The following RAD51C variants were observed in gnomAD, a reference collection of about 807,000 sequenced individuals.
RAD51C encodes the protein RAD51 paralog C.
Under a neutral mutation model 45.0 loss-of-function variants are expected in RAD51C, and 42 were observed. The observed-to-expected ratio is 0.93, with a 90% CI of 0.73 to 1.21. The LOEUF (loss-of-function observed/expected upper bound fraction) is 1.21, where lower values mean the gene tolerates loss of function less well. Ranked by LOEUF, RAD51C falls within the 50% of genes most tolerant of loss-of-function variation. The pLI, the probability that RAD51C is intolerant of heterozygous loss-of-function variation, is 0.00. For synonymous variants in RAD51C, 172 were observed against 159.8 expected (o/e 1.08, Z -0.58); for missense variants, 474 against 452.2 (o/e 1.05, Z -0.44).
chr17:58,726,403 G>GTATA (rs200957536), intron 7 of RAD51C, among the ~76,000 whole-genome samples: 1 of 143,196 alleles, frequency 7.0e-6, no homozygotes, highest in African/African-American at 2.7e-5. Context: ...GTATATATGT[G>GTATA]TATATATATA....
In RAD51C at chr17:58,709,004, A is replaced by C. The variant is rs2048463386; in HGVS notation, c.706-855A>C. On this transcript the variant is annotated intron_variant, in intron 4 of 8. Coordinates refer to ENST00000337432, the MANE Select transcript of RAD51C (RefSeq NM_058216.3). ...TAAGCCTTTTCAGAATGTTTTACAA[A>C]GACTTTAAATGTGCTTTTTATCAGT... is the stretch of plus-strand genomic sequence containing the variant. Among the ~76,000 whole-genome samples, 5 of 152,092 alleles carry C rather than the reference A, an allele frequency of 3.3e-5. No individual in the cohort carries two copies. The South Asian group carries it at 1.0e-3, about 31-fold the overall frequency.
chr17:58,732,889 T>C (rs946923078), intron 8 of RAD51C: 4 of 274,970 alleles, frequency 1.5e-5, no homozygotes, highest in African/African-American at 4.4e-5. Flanking sequence ...GTAGGTATTA[T>C]AGATCTATTG....
chr17:58,728,432 C>G (rs2049261497), intron 7 of RAD51C, among the ~76,000 whole-genome samples: 1 of 141,006 alleles, frequency 7.1e-6, no homozygotes, highest in Admixed American at 7.3e-5. Context: ...GGATCTCACT[C>G]TGTTGCCCAG....
chr17:58,714,426 T>C (rs2048661228), intron 5 of RAD51C, among the ~76,000 whole-genome samples: 1 of 152,206 alleles, frequency 6.6e-6, no homozygotes, highest in African/African-American at 2.4e-5. Flanking sequence ...TGTTTTCCCA[T>C]ATCTTTACCA....
intron 7 of RAD51C, among the ~76,000 whole-genome samples, chr17:58,730,167 T>C (rs2049357160): frequency 1.4e-5 from 2 of 147,716 alleles, no homozygotes. Context: ...AGCTGTTCTT[T>C]TTTTTTTTTT....
At position 58,724,070 on chromosome 17, in the gene RAD51C, G is replaced by A. The variant is rs779834376; in HGVS notation, c.935G>A (p.Arg312Gln). The change falls in exon 7 of 9, where the codon CGG (arginine) becomes CAG (glutamine). Residue 312 changes from arginine (R) to glutamine (Q), a missense_variant. Physicochemically the swap from Arg to Gln is conservative, Grantham distance 43. Coordinates refer to ENST00000337432, the MANE Select transcript of RAD51C (RefSeq NM_058216.3). ...AGTTGGGGACATGCTGCTACAATAC[G>A]GCTAATCTTTCATTGGGACCGAAAG... ...GESWGHAATIRLIFHWDRKQR... is the reference protein window; with the variant it reads ...GESWGHAATIQLIFHWDRKQR... 2.2e-5 allele frequency: 36 copies of A among 1,613,030 alleles called. No homozygotes were observed. The highest frequency in any genetic ancestry group is 1.6e-4 in the Middle Eastern group (1 of 6,078).
intron 7 of RAD51C, among the ~76,000 whole-genome samples, chr17:58,732,039 A>G (rs1206156184): frequency 1.3e-5 from 2 of 152,162 alleles, no homozygotes; most frequent in African/African-American, 4.8e-5. Flanking sequence ...TAAGCAAGCA[A>G]CCTTTACCTT....
At position 58,696,057 on chromosome 17, in the gene RAD51C, ACT is replaced by A. The variant is rs1435832147; in HGVS notation, c.405-633_405-632del. Among the ~76,000 whole-genome samples the A allele has an allele frequency of 4.7e-5, 7 of 148,990 alleles. No homozygotes were observed. The South Asian group carries it at 6.4e-4, about 14-fold the overall frequency. On this transcript the variant is annotated intron_variant, in intron 2 of 8. Coordinates refer to ENST00000337432, the MANE Select transcript of RAD51C (RefSeq NM_058216.3). ...ACTCCAGCTTGGGTGACAGAGCAAG[ACT>A]CTGTCTCAAAAGAAAAAAAAAAAAG... is the stretch of plus-strand genomic sequence containing the variant.
chr17:58,727,643 C>T (rs1050809999), intron 7 of RAD51C, among the ~76,000 whole-genome samples: 2 of 151,658 alleles, frequency 1.3e-5, no homozygotes, highest in African/African-American at 4.9e-5. Context: ...CATTTAATAG[C>T]ATTAAAGTAG....
intron 3 of RAD51C, chr17:58,700,336 C>G (rs540747133): frequency 6.6e-6 from 1 of 152,298 alleles, no homozygotes; most frequent in Admixed American, 6.5e-5. Flanking sequence ...TCCCTTATAC[C>G]TTAAAGCTAC....
chr17:58,732,126 T>C (rs2049451310), intron 7 of RAD51C, among the ~76,000 whole-genome samples: 1 of 152,140 alleles, frequency 6.6e-6, no homozygotes, highest in Non-Finnish European at 1.5e-5. Context: ...CTTATAAATA[T>C]GGGATAATAC....
intron 7 of RAD51C, among the ~76,000 whole-genome samples, chr17:58,725,177 T>C (rs1369065870): frequency 6.6e-6 from 1 of 152,168 alleles, no homozygotes; most frequent in Non-Finnish European, 1.5e-5. Flanking sequence ...TTTAAACACA[T>C]TTTTTACTCT....
At chr17:58,713,978 C>G (rs1030610600) in intron 5 of RAD51C, among the ~76,000 whole-genome samples, 2 of 151,222 alleles carry the variant, frequency 1.3e-5, no homozygotes, top group South Asian at 2.1e-4. Context: ...TATTGATGGT[C>G]TCTCTCTTTT....
chr17:58,705,490 C>CCAT, intron 4 of RAD51C, among the ~76,000 whole-genome samples: 1 of 151,994 alleles, frequency 6.6e-6, no homozygotes, highest in Non-Finnish European at 1.5e-5. Flanking sequence ...CATGCCACCA[C>CCAT]GCCTGGCTAA....
At chr17:58,711,827 T>C (rs2048567168) in intron 5 of RAD51C, among the ~76,000 whole-genome samples, 1 of 152,106 alleles carries the variant, frequency 6.6e-6, no homozygotes, top group African/African-American at 2.4e-5. Context: ...TTCCCTCTCT[T>C]ACTTTATAAT....
rs188076103 is a variant in RAD51C, at chr17:58,701,089, C to T, written c.572-2107C>T. ...ATTTTTTTTGCATTTTTTGTAGAGA[C>T]GGAGTTTCACCATGTTGCCCAGGCT... On this transcript the variant is annotated intron_variant, in intron 3 of 8. Coordinates refer to ENST00000337432, the MANE Select transcript of RAD51C (RefSeq NM_058216.3). 2.2e-4 allele frequency among the ~76,000 whole-genome samples: 34 copies of T among 152,056 alleles called. No homozygotes were observed. In the East Asian group the frequency reaches 6.3e-3, roughly 28 times the overall value.
At chr17:58,702,037 C>T (rs2048229176) in intron 3 of RAD51C, among the ~76,000 whole-genome samples, 1 of 150,956 alleles carries the variant, frequency 6.6e-6, no homozygotes, top group Non-Finnish European at 1.5e-5. Context: ...ATTCTGTCAC[C>T]CAGGTTGGAG....
intron 5 of RAD51C, among the ~76,000 whole-genome samples, chr17:58,713,840 G>C (rs950206897): frequency 1.3e-5 from 2 of 152,118 alleles, no homozygotes; most frequent in Admixed American, 6.6e-5. Context: ...TTTTTGTAGA[G>C]ATGAGGTCTC....
chr17:58,696,095 G>A (rs1288344508), intron 2 of RAD51C, among the ~76,000 whole-genome samples: 1 of 150,306 alleles, frequency 6.7e-6, no homozygotes, highest in African/African-American at 2.4e-5. Flanking sequence ...GTAGATTTAT[G>A]TATAATAAGG....
Sources: allele counts gnomAD v4.1 joint callset (sites outside exome capture counted in the v4.1 genomes callset), GRCh38; gene constraint gnomAD v4.1.1; transcripts MANE v1.5; gene names NCBI Gene and HGNC (gene_info 2026-07-23, HGNC 2026-07-21).